The following THADA variants were observed in gnomAD, a reference collection of about 807,000 sequenced individuals.
THADA encodes tRNA (32-2'-O)-methyltransferase regulator THADA.
THADA carries 213 observed loss-of-function variants against 219.8 expected under a neutral mutation model. The observed-to-expected ratio is 0.97, with a 90% CI of 0.87 to 1.09. The LOEUF (loss-of-function observed/expected upper bound fraction) is 1.09, where lower values mean the gene tolerates loss of function less well. Ranked by LOEUF, THADA falls within the 50% of genes least tolerant of loss-of-function variation. THADA has a pLI of 0.00. For synonymous variants in THADA, 1,018 were observed against 828.9 expected (o/e 1.23, Z -3.92); for missense variants, 2,956 against 2,311.3 (o/e 1.28, Z -5.72).
chr2:43,536,106 CATTTT>C (rs1342454130), intron 21 of THADA, among the ~76,000 whole-genome samples: 5 of 152,098 alleles, frequency 3.3e-5, no homozygotes, highest in East Asian at 1.9e-4. Flanking sequence ...CCAGCCTATT[CATTTT>C]GAGTTGATTT....
chr2:43,412,879 T>C (rs1244677603), intron 28 of THADA, among the ~76,000 whole-genome samples: 1 of 152,188 alleles, frequency 6.6e-6, no homozygotes, highest in Non-Finnish European at 1.5e-5. Flanking sequence ...CCTAAATCCC[T>C]ACATCTTCTA....
chr2:43,482,111 T>C (rs909514435), intron 26 of THADA, among the ~76,000 whole-genome samples: 1 of 152,176 alleles, frequency 6.6e-6, no homozygotes, highest in Admixed American at 6.5e-5. Flanking sequence ...TGATTTTACA[T>C]AAAATCAGTT....
At chr2:43,285,926 G>A (rs555567560) in intron 35 of THADA, among the ~76,000 whole-genome samples, 88 of 152,248 alleles carry the variant, frequency 5.8e-4, no homozygotes, top group African/African-American at 2.1e-3. Flanking sequence ...AATGCAACCA[G>A]CAGCCTATCC....
intron 25 of THADA, among the ~76,000 whole-genome samples, chr2:43,490,558 T>A (rs1196721549): frequency 6.6e-6 from 1 of 152,198 alleles, no homozygotes; most frequent in African/African-American, 2.4e-5. Context: ...CTCTTTTGTA[T>A]CTGCTTAATA....
intron 31 of THADA, among the ~76,000 whole-genome samples, chr2:43,302,252 A>C (rs1231056903): frequency 6.6e-6 from 1 of 152,062 alleles, no homozygotes; most frequent in Non-Finnish European, 1.5e-5. Flanking sequence ...TTTGAGTGAA[A>C]GAATCAAGTC....
intron 20 of THADA, among the ~76,000 whole-genome samples, chr2:43,544,396 T>C (rs1020222865): frequency 6.6e-6 from 1 of 152,224 alleles, no homozygotes; most frequent in African/African-American, 2.4e-5. Context: ...AAGTAGTTTT[T>C]TCCAATTCTG....
At chr2:43,570,141 C>T (rs1474649617) in intron 14 of THADA, among the ~76,000 whole-genome samples, 1 of 152,152 alleles carries the variant, frequency 6.6e-6, no homozygotes, top group Non-Finnish European at 1.5e-5. Context: ...CCCACATAAG[C>T]TGAAAGTGAT....
At chr2:43,502,118 T>C (rs1431270152) in intron 24 of THADA, among the ~76,000 whole-genome samples, 1 of 151,174 alleles carries the variant, frequency 6.6e-6, no homozygotes, top group African/African-American at 2.4e-5. Flanking sequence ...ATGGCAAACA[T>C]TAAATTATTT....
At chr2:43,417,064 C>A (rs1256087312) in intron 28 of THADA, among the ~76,000 whole-genome samples, 1 of 94,636 alleles carries the variant, frequency 1.1e-5, no homozygotes, top group Non-Finnish European at 2.0e-5. Flanking sequence ...TTTTTTGAGA[C>A]GGAGTGGCTG....
chr2:43,572,012 G>T (rs570299757), intron 12 of THADA, 150 bp from the exon 13 acceptor site: 1 of 630,348 alleles, frequency 1.6e-6, no homozygotes, highest in Admixed American at 2.9e-5. Context: ...TAATCTCAAA[G>T]ATCCTAGGGT....
rs759748682 is a variant in THADA, at chr2:43,586,838, A to G, written c.451+16T>C. ...AGGGGTTAGCCAGAAAAAGGACTAG[A>G]AAAGTGCAGCCTTACCCAAGTTAAA... On this transcript the variant is annotated intron_variant, in intron 5 of 37. Coordinates refer to ENST00000405975, the MANE Select transcript of THADA (RefSeq NM_022065.5). 46 of 1,612,562 alleles carry G rather than the reference A, an allele frequency of 2.9e-5. No homozygotes were observed. The highest frequency in any genetic ancestry group is 3.8e-5 in the Non-Finnish European group (45 of 1,179,392).
chr2:43,448,560 C>CTTTTTTT (rs71410179), intron 26 of THADA, among the ~76,000 whole-genome samples: 36 of 103,402 alleles, frequency 3.5e-4, no homozygotes, highest in South Asian at 7.0e-4. Flanking sequence ...TTCTTCCTTT[C>CTTTTTTT]TTTTTTTTTT....
At chr2:43,292,341 G>C in intron 32 of THADA, 119 bp from the exon 33 acceptor site, 1 of 632,432 alleles carries the variant, frequency 1.6e-6, no homozygotes, top group East Asian at 3.1e-5. Flanking sequence ...GGCTCCCACT[G>C]ACTTCTTATT....
intron 21 of THADA, among the ~76,000 whole-genome samples, chr2:43,534,528 CTTCGAG>C (rs1414931325): frequency 5.3e-5 from 8 of 152,168 alleles, no homozygotes; most frequent in African/African-American, 1.9e-4. Context: ...CTAATTTTTA[CTTCGAG>C]TTCAACTTCC....
At chr2:43,537,106 T>C (rs1694707599) in intron 21 of THADA, among the ~76,000 whole-genome samples, 1 of 152,222 alleles carries the variant, frequency 6.6e-6, no homozygotes, top group Middle Eastern at 3.2e-3. Flanking sequence ...CCTTCTCTCC[T>C]ACAGTGATTT....
intron 22 of THADA, among the ~76,000 whole-genome samples, chr2:43,514,226 G>C (rs1489608968): frequency 1.3e-5 from 2 of 151,550 alleles, no homozygotes; most frequent in African/African-American, 4.8e-5. Context: ...GAGGCAGGCA[G>C]ATCACGTGAG....
intron 30 of THADA, among the ~76,000 whole-genome samples, chr2:43,337,844 C>T (rs1442295196): frequency 1.3e-5 from 2 of 152,174 alleles, no homozygotes; most frequent in Middle Eastern, 3.4e-3. Flanking sequence ...CAAAAATATG[C>T]TACCTTCAAA....
At chr2:43,330,931 A>G (rs895099119) in intron 30 of THADA, among the ~76,000 whole-genome samples, 8 of 152,220 alleles carry the variant, frequency 5.3e-5, no homozygotes, top group Non-Finnish European at 1.0e-4. Flanking sequence ...TCTTTCAAGT[A>G]GGAAGAAGTC....
At chr2:43,568,415 A>G (rs1029004801) in intron 14 of THADA, among the ~76,000 whole-genome samples, 5 of 152,208 alleles carry the variant, frequency 3.3e-5, no homozygotes, top group African/African-American at 9.6e-5. Context: ...TGTGACGATT[A>G]TAACAATATA....
Sources: allele counts gnomAD v4.1 joint callset (sites outside exome capture counted in the v4.1 genomes callset), GRCh38; gene constraint gnomAD v4.1.1; transcripts MANE v1.5; gene names NCBI Gene and HGNC (gene_info 2026-07-23, HGNC 2026-07-21).